The following RREB1 variants were observed in gnomAD, a reference collection of about 807,000 sequenced individuals.
RREB1 encodes the protein ras-responsive element-binding protein 1.
RREB1 carries 27 observed loss-of-function variants against 117.8 expected under a neutral mutation model. That is an observed-to-expected ratio of 0.23 (90% CI 0.17 to 0.32). RREB1 has a LOEUF of 0.32. Among genes scored for constraint, RREB1 ranks in the 10% least tolerant of loss-of-function variants. The probability of loss-of-function intolerance (pLI) is 1.00; values close to 1 mark genes in which losing one functional copy is unlikely to be tolerated. For missense variants in RREB1, 2,577 were observed against 2,378.2 expected (o/e 1.08, Z -1.74); for synonymous variants, 1,298 against 1,026.7 (o/e 1.26, Z -5.05).
In RREB1 at chr6:7,109,052, A is replaced by T. The variant is rs1467993719; in HGVS notation, c.-285+992A>T. Among the ~76,000 whole-genome samples, 3 of 150,484 alleles carry T rather than the reference A, an allele frequency of 2.0e-5. No individual in the cohort carries two copies. The East Asian group carries it at 6.0e-4, about 30-fold the overall frequency. On this transcript the variant is annotated intron_variant, in intron 1 of 12. Coordinates refer to ENST00000379938, the MANE Select transcript of RREB1 (RefSeq NM_001003699.4). ...GGGGGGTGGGGGGCTCGGCGCCGTC[A>T]CGAGCACAGGAAGGAGGCCGGGAGC...
At chr6:7,146,425 A>T (rs1005325427) in intron 1 of RREB1, among the ~76,000 whole-genome samples, 2 of 152,082 alleles carry the variant, frequency 1.3e-5, no homozygotes, top group Non-Finnish European at 2.9e-5. Flanking sequence ...GTGTGTGCAC[A>T]CGCAGACAGC....
Position 7,231,362 on chromosome 6 carries a change from A to G in RREB1, c.3263A>G (p.Asp1088Gly), listed in dbSNP as rs767760276. ...ACCCTGCTGAAAACCAAGGTGGCGG[A>G]CCCAGGGCCCGCAAGCACTGGCAGT... ...APTLLKTKVA[D>G]PGPASTGSNT... Residue 1088 changes from aspartate to glycine, a missense_variant, in exon 10 of 13, where the codon GAC (aspartate) becomes GGC (glycine). Coordinates refer to ENST00000379938, the MANE Select transcript of RREB1 (RefSeq NM_001003699.4). 18 of 1,612,852 alleles carry G rather than the reference A, an allele frequency of 1.1e-5. No homozygotes were observed. Among genetic ancestry groups the G allele is most frequent in the Non-Finnish European group, 1.5e-5 (18 of 1,179,620 alleles).
intron 4 of RREB1, among the ~76,000 whole-genome samples, chr6:7,185,961 C>G (rs1765059582): frequency 6.6e-6 from 1 of 152,174 alleles, no homozygotes; most frequent in Non-Finnish European, 1.5e-5. Flanking sequence ...CATAATAATG[C>G]TTGTCTATTA....
At chr6:7,190,678 A>G (rs898234147) in intron 6 of RREB1, among the ~76,000 whole-genome samples, 4 of 152,074 alleles carry the variant, frequency 2.6e-5, no homozygotes, top group African/African-American at 9.7e-5. Context: ...TTACAATACA[A>G]TATTTTGCAT....
At chr6:7,124,167 TAG>T (rs1761805572) in intron 1 of RREB1, among the ~76,000 whole-genome samples, 1 of 152,206 alleles carries the variant, frequency 6.6e-6, no homozygotes, top group Middle Eastern at 3.2e-3. Flanking sequence ...GTTCTTGATA[TAG>T]ATGTGGCAAA....
In RREB1 at chr6:7,130,277, C is replaced by T. The variant is rs1762094841; in HGVS notation, c.-285+22217C>T. On this transcript the variant is annotated intron_variant, in intron 1 of 12. Transcript: ENST00000379938. ...AACCTGCAAAGTAGTAGTAGTAAAT[C>T]CCTTTCCATTCCTCTCCTTTGCTCT... is the stretch of plus-strand genomic sequence containing the variant. 2.0e-5 allele frequency among the ~76,000 whole-genome samples: 3 copies of T among 152,348 alleles called. No homozygotes were observed. The South Asian group carries it at 6.2e-4, about 32-fold the overall frequency.
chr6:7,121,133 A>AT (rs1357169947), intron 1 of RREB1, among the ~76,000 whole-genome samples: 1 of 151,838 alleles, frequency 6.6e-6, no homozygotes, highest in Non-Finnish European at 1.5e-5. Flanking sequence ...CAGTTTTTGT[A>AT]TTTTTTTGTA....
rs563449785 is a variant in RREB1 at position 7,206,314 on chromosome 6, G to A, written c.426-4490G>A. Among the ~76,000 whole-genome samples the A allele has an allele frequency of 6.6e-5, 10 of 152,272 alleles. No homozygotes were observed. In the South Asian group the frequency reaches 8.3e-4, roughly 13 times the overall value. On this transcript the variant is annotated intron_variant, in intron 6 of 12. Transcript: ENST00000379938. ...TCAGTGTGGCACTGTTCATAATCTC[G>A]TGTCATGTTTGCTCACACCAAATTC...
In RREB1 at chr6:7,240,702, G is replaced by A. The variant is rs138165749; in HGVS notation, c.3973+100G>A. 16 of 1,083,818 alleles carry A rather than the reference G, an allele frequency of 1.5e-5. No individual in the cohort carries two copies. The East Asian group carries it at 4.2e-4, about 28-fold the overall frequency. The allele number at this position is 1,083,818 out of a possible 1,614,324, so 67.1% of individuals were successfully genotyped here. A position where few individuals can be genotyped will look rare whatever the true frequency, so the allele number is the denominator to read the frequency against. On this transcript the variant is annotated intron_variant, in intron 11 of 12. Coordinates refer to ENST00000379938, the MANE Select transcript of RREB1 (RefSeq NM_001003699.4). ...AGTCCGAGCTGTGGAGGGGCTGCTTGTTCACTTCTCTGTAGGATTCAGAGC... is the reference window on the plus strand; with the variant it reads ...AGTCCGAGCTGTGGAGGGGCTGCTTATTCACTTCTCTGTAGGATTCAGAGC...
chr6:7,238,225 A>C (rs1561803720), intron 10 of RREB1, among the ~76,000 whole-genome samples: 1 of 152,044 alleles, frequency 6.6e-6, no homozygotes, highest in Non-Finnish European at 1.5e-5. Context: ...AATGAAAAAC[A>C]ATAAGTAATT....
At chr6:7,120,914 C>G (rs191014975) in intron 1 of RREB1, among the ~76,000 whole-genome samples, 55 of 150,424 alleles carry the variant, frequency 3.7e-4, no homozygotes, top group African/African-American at 1.3e-3. Context: ...CTGCCTCCTG[C>G]GTTCAAGTGA....
At chr6:7,164,795 G>T (rs1305888082) in intron 1 of RREB1, among the ~76,000 whole-genome samples, 1 of 152,216 alleles carries the variant, frequency 6.6e-6, no homozygotes, top group African/African-American at 2.4e-5. Flanking sequence ...CAAAGACCAC[G>T]ACCTGGCCTC....
intron 1 of RREB1, among the ~76,000 whole-genome samples, chr6:7,173,486 C>G (rs1764333765): frequency 6.7e-6 from 1 of 150,268 alleles, no homozygotes; most frequent in Non-Finnish European, 1.5e-5. Flanking sequence ...GAATGAGACT[C>G]TGTCTCAAAA....
intron 1 of RREB1, among the ~76,000 whole-genome samples, chr6:7,153,684 G>A (rs1452167342): frequency 6.6e-6 from 1 of 152,100 alleles, no homozygotes; most frequent in Non-Finnish European, 1.5e-5. Context: ...TGATAGGTTG[G>A]GCTTAAGACT....
At chr6:7,136,178 A>G (rs1237720148) in intron 1 of RREB1, among the ~76,000 whole-genome samples, 1 of 152,196 alleles carries the variant, frequency 6.6e-6, no homozygotes, top group East Asian at 1.9e-4. Context: ...TTCTAAAACA[A>G]TTTTACAATT....
chr6:7,156,448 C>T (rs541683494), intron 1 of RREB1, among the ~76,000 whole-genome samples: 1 of 152,328 alleles, frequency 6.6e-6, no homozygotes, highest in South Asian at 2.1e-4. Flanking sequence ...ACACTGTGCC[C>T]TTGATGTGCT....
chr6:7,185,070 A>C (rs1177956783), intron 4 of RREB1: 1 of 152,124 alleles, frequency 6.6e-6, no homozygotes, highest in Non-Finnish European at 1.5e-5. Context: ...CTCCGACTGC[A>C]GTTGTAGAAC....
intron 1 of RREB1, among the ~76,000 whole-genome samples, chr6:7,154,372 GT>G (rs1767095848): frequency 6.6e-6 from 1 of 152,194 alleles, no homozygotes; most frequent in African/African-American, 2.4e-5. Context: ...GCATACTAAA[GT>G]TTGAAAATGA....
chr6:7,248,986 A>C lies in RREB1; in HGVS notation c.*18A>C. 3 of 1,449,658 alleles carry C rather than the reference A, an allele frequency of 2.1e-6. No individual in the cohort carries two copies. The highest frequency in any genetic ancestry group is 1.8e-6 in the Non-Finnish European group (2 of 1,107,278). The allele number at this position is 1,449,658 out of a possible 1,614,324, so 89.8% of individuals were successfully genotyped here. ...TGGAGTGACAGCCTCAGTCCCCCTC[A>C]GCACAGACAAAAGCCAGCAGAGCAA... On this transcript the variant is annotated 3_prime_UTR_variant, in exon 13 of 13. Transcript: ENST00000379938.
Sources: allele counts gnomAD v4.1 joint callset (sites outside exome capture counted in the v4.1 genomes callset), GRCh38; gene constraint gnomAD v4.1.1; transcripts MANE v1.5; gene names NCBI Gene and HGNC (gene_info 2026-07-23, HGNC 2026-07-21).